The following TMEM181 variants were observed in gnomAD, a reference collection of about 807,000 sequenced individuals.
TMEM181 encodes the protein transmembrane protein 181, also known as G protein-coupled receptor 178.
Under a neutral mutation model 71.9 loss-of-function variants are expected in TMEM181, and 39 were observed. The observed-to-expected ratio is 0.54, with a 90% confidence interval of 0.42 to 0.71. The LOEUF (loss-of-function observed/expected upper bound fraction) is 0.71, where lower values mean the gene tolerates loss of function less well. Ranked by LOEUF, TMEM181 falls within the 30% of genes least tolerant of loss-of-function variation. The pLI is 0.00. For missense variants in TMEM181, 595 were observed against 583.0 expected (o/e 1.02, Z -0.21); for synonymous variants, 245 against 228.8 (o/e 1.07, Z -0.64).
chr6:158,614,541 G>T lies in TMEM181; in HGVS notation c.896+5791G>T, dbSNP rs190018237. 3.4e-3 allele frequency among the ~76,000 whole-genome samples: 519 copies of T among 152,192 alleles called. 4 individuals carry two copies. The highest frequency in any genetic ancestry group is 0.011 in the African/African-American group (464 of 41,528). The stretch of plus-strand genomic sequence containing the variant: ...TAGGGTACATGTGCACAACGTGCAG[G>T]TTTGTTACATATGTATACATGTGCC... On this transcript the variant is annotated intron_variant, in intron 10 of 16. Transcript: ENST00000684151.
At chr6:158,579,767 C>G (rs1783370595) in intron 2 of TMEM181, among the ~76,000 whole-genome samples, 1 of 151,926 alleles carries the variant, frequency 6.6e-6, no homozygotes, top group Non-Finnish European at 1.5e-5. Context: ...CATACAGAAG[C>G]TATAATATGG....
intron 1 of TMEM181, chr6:158,536,949 G>A: frequency 9.0e-7 from 1 of 1,106,616 alleles, no homozygotes; most frequent in Non-Finnish European, 1.1e-6. Flanking sequence ...CCCCGGCCTT[G>A]GCCTGGTCCC....
intron 12 of TMEM181, 144 bp downstream of exon 12, chr6:158,625,350 G>A (rs1237036540): frequency 8.4e-6 from 6 of 714,854 alleles, no homozygotes; most frequent in Middle Eastern, 3.9e-4. Context: ...ACCAGGGCAC[G>A]TGGTCCCTGG....
intron 3 of TMEM181, among the ~76,000 whole-genome samples, chr6:158,583,204 G>T (rs570150810): frequency 3.9e-5 from 6 of 152,206 alleles, no homozygotes; most frequent in African/African-American, 1.4e-4. Flanking sequence ...CTGCTCTCCA[G>T]CCTGGGTGAC....
intron 11 of TMEM181, among the ~76,000 whole-genome samples, 171 bp from the exon 12 acceptor site, chr6:158,624,933 C>T (rs1386763703): frequency 2.6e-5 from 4 of 152,214 alleles, no homozygotes; most frequent in African/African-American, 9.6e-5. Context: ...GTGCTCGCAG[C>T]GGGACTGAGC....
At chr6:158,631,255 C>G in intron 15 of TMEM181, 68 bp from the exon 16 acceptor site, 1 of 1,534,736 alleles carries the variant, frequency 6.5e-7, no homozygotes, top group Non-Finnish European at 9.0e-7. Context: ...TTGTCCGGGA[C>G]AGCATCCTGC....
intron 4 of TMEM181, among the ~76,000 whole-genome samples, chr6:158,584,645 T>G (rs1476365494): frequency 1.3e-5 from 2 of 152,244 alleles, no homozygotes; most frequent in Non-Finnish European, 2.9e-5. Context: ...AATCCTTTTC[T>G]GTTCTGTGCC....
At chr6:158,603,049 T>C (rs942142901) in intron 6 of TMEM181, among the ~76,000 whole-genome samples, 9 of 152,206 alleles carry the variant, frequency 5.9e-5, no homozygotes, top group Non-Finnish European at 1.3e-4. Flanking sequence ...TTCTTGTACT[T>C]TTCCTCGTTT....
chr6:158,557,556 T>C (rs1397354719), upstream of TMEM181, among the ~76,000 whole-genome samples: 2 of 149,446 alleles, frequency 1.3e-5, no homozygotes, highest in Admixed American at 6.6e-5. Context: ...CTTGCTCTGT[T>C]GCTCAGGCTG....
At chr6:158,581,438 A>G (rs1783463786) in intron 3 of TMEM181, among the ~76,000 whole-genome samples, 1 of 152,128 alleles carries the variant, frequency 6.6e-6, no homozygotes, top group African/African-American at 2.4e-5. Flanking sequence ...ACTCAATTTA[A>G]ATGAAAAATC....
rs201122405 is a variant in TMEM181 at position 158,631,860 on chromosome 6, A to T, written c.1400A>T (p.Lys467Met). The T allele has an allele frequency of 1.3e-6, 2 of 1,597,766 alleles. No individual in the cohort carries two copies. The highest frequency in any genetic ancestry group is 2.3e-5 in the East Asian group (1 of 44,250). Residue 467 changes from lysine to methionine, a missense_variant, in exon 17 of 17, where the codon AAG becomes ATG. By Grantham distance (95) the Lys-to-Met change is moderately conservative (BLOSUM62 -1). Transcript: ENST00000684151. ...CAGAACGGCCAGGCCATCCGGGCCA[A>T]GTACAAGGAGGAGTCAGATAGTGAC... Reference protein sequence around the residue: ...PLQNGQAIRAKYKEESDSD With the variant: ...PLQNGQAIRAMYKEESDSD
chr6:158,614,734 G>A (rs1314415309), intron 10 of TMEM181, among the ~76,000 whole-genome samples: 1 of 152,148 alleles, frequency 6.6e-6, no homozygotes, highest in African/African-American at 2.4e-5. Flanking sequence ...AGAGTATGTG[G>A]TATTTGGTTT....
chr6:158,617,222 G>T (rs1785666743), intron 10 of TMEM181, among the ~76,000 whole-genome samples: 1 of 152,138 alleles, frequency 6.6e-6, no homozygotes, highest in Non-Finnish European at 1.5e-5. Flanking sequence ...GAGAGTGTAT[G>T]TGTCCAGGAA....
intron 1 of TMEM181, among the ~76,000 whole-genome samples, chr6:158,568,741 A>G (rs1782649923): frequency 1.3e-5 from 2 of 152,066 alleles, no homozygotes; most frequent in Admixed American, 6.6e-5. Context: ...CTGTTGCAGA[A>G]CAGGAGCCGT....
chr6:158,600,627 C>T (rs1301057809), intron 6 of TMEM181, among the ~76,000 whole-genome samples: 3 of 151,744 alleles, frequency 2.0e-5, no homozygotes, highest in African/African-American at 4.8e-5. Flanking sequence ...AGCACCACCA[C>T]GCCCGGCTAA....
chr6:158,625,386 C>T (rs1786216852), intron 12 of TMEM181, among the ~76,000 whole-genome samples, 180 bp downstream of exon 12: 1 of 152,140 alleles, frequency 6.6e-6, no homozygotes, highest in African/African-American at 2.4e-5. Flanking sequence ...TTACAGGTTA[C>T]TCTGGCATTT....
intron 2 of TMEM181, among the ~76,000 whole-genome samples, 183 bp downstream of exon 2, chr6:158,573,706 G>A (rs2128294286): frequency 6.6e-6 from 1 of 152,352 alleles, no homozygotes; most frequent in East Asian, 1.9e-4. Flanking sequence ...CTCTTGTGGG[G>A]GAGGTGTGCA....
chr6:158,623,491 GTAAAA>G (rs202102801), intron 10 of TMEM181, 54 bp from the exon 11 acceptor site: 20,475 of 1,176,166 alleles, frequency 0.017, 240 homozygotes, highest in Non-Finnish European at 0.022. Flanking sequence ...AAGAAAAAAT[GTAAAA>G]TAAAAAGTAA....
At chr6:158,623,090 C>T (rs753561449) in intron 10 of TMEM181, among the ~76,000 whole-genome samples, 32 of 152,202 alleles carry the variant, frequency 2.1e-4, no homozygotes, top group Non-Finnish European at 3.1e-4. Context: ...AAGTGAGTCA[C>T]CCCGTCTGCT....
Sources: allele counts gnomAD v4.1 joint callset (sites outside exome capture counted in the v4.1 genomes callset), GRCh38; gene constraint gnomAD v4.1.1; transcripts MANE v1.5; gene names NCBI Gene and HGNC (gene_info 2026-07-23, HGNC 2026-07-21).